The following FMNL2 variants were observed in gnomAD, a reference collection of about 807,000 sequenced individuals.
FMNL2 encodes the protein formin like 2, also known as formin-like protein 2.
FMNL2 carries 51 observed loss-of-function variants against 130.2 expected under a neutral mutation model. The observed-to-expected ratio is 0.39, with a 90% CI of 0.31 to 0.49. FMNL2 has a LOEUF of 0.49. Among genes scored for constraint, FMNL2 ranks in the 20% least tolerant of loss-of-function variants. The pLI, the probability that FMNL2 is intolerant of heterozygous loss-of-function variation, is 0.85. For synonymous variants in FMNL2, 465 were observed against 467.1 expected, an observed-to-expected ratio of 1.00 and a Z score of 0.06; for missense variants, 977 against 1,316.2, an observed-to-expected ratio of 0.74 and a Z score of 3.99.
At chr2:152,381,420 G>A (rs547061434) in intron 1 of FMNL2, among the ~76,000 whole-genome samples, 17 of 152,180 alleles carry the variant, frequency 1.1e-4, no homozygotes, top group South Asian at 2.1e-4. Context: ...GATCTCCAGG[G>A]ATGCTAACTG....
chr2:152,381,710 G>GT (rs35543878), intron 1 of FMNL2, among the ~76,000 whole-genome samples: 1 of 152,182 alleles, frequency 6.6e-6, no homozygotes, highest in South Asian at 2.1e-4. Flanking sequence ...TGCTGTGGCA[G>GT]TTTTTAAAAA....
At chr2:152,345,753 T>C (rs1185361689) in intron 1 of FMNL2, among the ~76,000 whole-genome samples, 1 of 152,182 alleles carries the variant, frequency 6.6e-6, no homozygotes. Context: ...TACCATAAAG[T>C]CACTCTACAC....
chr2:152,482,191 T>C (rs1690563749), intron 1 of FMNL2, among the ~76,000 whole-genome samples: 1 of 152,158 alleles, frequency 6.6e-6, no homozygotes, highest in Non-Finnish European at 1.5e-5. Context: ...AAGGAAGAAA[T>C]ACAAAGCCTT....
chr2:152,380,309 G>A (rs1007259391), intron 1 of FMNL2, among the ~76,000 whole-genome samples: 12 of 152,168 alleles, frequency 7.9e-5, no homozygotes, highest in Admixed American at 6.5e-4. Context: ...GTGAGCCTTG[G>A]AAAGCTTTTT....
At chr2:152,582,552 G>A (rs1179547943) in intron 9 of FMNL2, among the ~76,000 whole-genome samples, 1 of 151,988 alleles carries the variant, frequency 6.6e-6, no homozygotes, top group African/African-American at 2.4e-5. Context: ...GCTTCCAAGA[G>A]AATGAAGAAG....
intron 1 of FMNL2, among the ~76,000 whole-genome samples, chr2:152,488,620 A>G (rs1690971510): frequency 6.6e-6 from 1 of 152,228 alleles, no homozygotes; most frequent in Non-Finnish European, 1.5e-5. Flanking sequence ...ATGCACACAT[A>G]TATATACCTG....
intron 6 of FMNL2, among the ~76,000 whole-genome samples, chr2:152,574,145 AAC>A (rs1302275495): frequency 2.0e-5 from 3 of 152,238 alleles, no homozygotes; most frequent in African/African-American, 7.2e-5. Context: ...CCTCTTAAGA[AAC>A]ACAAATAAGG....
chr2:152,467,796 T>C (rs961026470), intron 1 of FMNL2, among the ~76,000 whole-genome samples: 2 of 152,238 alleles, frequency 1.3e-5, no homozygotes, highest in Admixed American at 6.5e-5. Flanking sequence ...GGTCAACTGT[T>C]GATGCAAGCA....
At chr2:152,447,495 A>G (rs554685735) in intron 1 of FMNL2, among the ~76,000 whole-genome samples, 1 of 152,346 alleles carries the variant, frequency 6.6e-6, no homozygotes, top group Admixed American at 6.5e-5. Context: ...TGACAATTAC[A>G]GGAAGCAAAG....
chr2:152,619,708 A>C lies in FMNL2; in HGVS notation c.1827A>C (p.Ser609=). Residue 609 remains serine (S), a synonymous_variant, in exon 15 of 26, where the codon TCA becomes TCC. Coordinates refer to ENST00000288670, the MANE Select transcript of FMNL2 (RefSeq NM_052905.4). The part of the protein sequence containing the change: ...GTSSPTVVFN[S]GLAAVKIKKP... Reference sequence around the variant, plus strand: ...CTTCACCCACAGTGGTTTTCAACTCAGGATTAGCAGGTAAGAGCACAGAAT... The same window carrying C: ...CTTCACCCACAGTGGTTTTCAACTCCGGATTAGCAGGTAAGAGCACAGAAT... The C allele has an allele frequency of 6.2e-7, 1 of 1,611,152 alleles. No individual in the cohort carries two copies. The highest frequency in any genetic ancestry group is 1.3e-5 in the African/African-American group (1 of 74,918).
intron 1 of FMNL2, among the ~76,000 whole-genome samples, chr2:152,408,692 A>G (rs1021252346): frequency 2.0e-5 from 3 of 152,182 alleles, no homozygotes; most frequent in Non-Finnish European, 4.4e-5. Flanking sequence ...AGACTACCTT[A>G]AACATGCTGA....
chr2:152,390,766 C>T, intron 1 of FMNL2: 1 of 590,970 alleles, frequency 1.7e-6, no homozygotes, highest in South Asian at 1.9e-5. Flanking sequence ...ACACGGATCC[C>T]AGGGCATCAG....
intron 1 of FMNL2, among the ~76,000 whole-genome samples, chr2:152,367,091 T>TC (rs111951039): frequency 1.8e-4 from 27 of 151,596 alleles, no homozygotes; most frequent in African/African-American, 3.9e-4. Context: ...TTTTTTTTTT[T>TC]CCCAGATGGG....
chr2:152,573,849 CT>C (rs1696317434), intron 6 of FMNL2, among the ~76,000 whole-genome samples: 1 of 152,002 alleles, frequency 6.6e-6, no homozygotes, highest in African/African-American at 2.4e-5. Context: ...TGCGTATTTT[CT>C]AAAGTCTTTA....
intron 5 of FMNL2, among the ~76,000 whole-genome samples, chr2:152,559,305 A>G (rs1695398479): frequency 6.6e-6 from 1 of 152,028 alleles, no homozygotes; most frequent in Admixed American, 6.6e-5. Context: ...TTTTTCCTTG[A>G]TATGCATTTG....
chr2:152,479,573 C>T (rs984240757), intron 1 of FMNL2, among the ~76,000 whole-genome samples: 2 of 152,144 alleles, frequency 1.3e-5, no homozygotes, highest in African/African-American at 2.4e-5. Context: ...ATCAATTTTG[C>T]ATTAGCACCT....
At chr2:152,442,477 GA>G (rs1688104513) in intron 1 of FMNL2, among the ~76,000 whole-genome samples, 2 of 152,118 alleles carry the variant, frequency 1.3e-5, no homozygotes, top group South Asian at 4.2e-4. Flanking sequence ...TGAAAAGCCT[GA>G]CCTCAGGTAA....
At chr2:152,492,114 G>A (rs763253473) in intron 1 of FMNL2, among the ~76,000 whole-genome samples, 5 of 152,142 alleles carry the variant, frequency 3.3e-5, no homozygotes, top group Non-Finnish European at 7.3e-5. Flanking sequence ...GAGTTTGTGG[G>A]TTTCAGAAGT....
chr2:152,340,734 C>G (rs143546640), intron 1 of FMNL2, among the ~76,000 whole-genome samples: 2,313 of 152,240 alleles, frequency 0.015, 30 homozygotes, highest in Non-Finnish European at 0.027. Context: ...CTCTGTCGCC[C>G]AGGCTGGAGT....
Sources: allele counts gnomAD v4.1 joint callset (sites outside exome capture counted in the v4.1 genomes callset), GRCh38; gene constraint gnomAD v4.1.1; transcripts MANE v1.5; gene names NCBI Gene and HGNC (gene_info 2026-07-23, HGNC 2026-07-21).